Variants in R3HDM1 observed in about 807,000 individuals in gnomAD.
R3HDM1 encodes the protein R3H domain-containing protein 1.
A neutral mutation model predicts 141.1 loss-of-function variants in R3HDM1; 46 were observed. That is an observed-to-expected ratio of 0.33 (90% confidence interval 0.26 to 0.42). The LOEUF (loss-of-function observed/expected upper bound fraction) is 0.42. Among genes scored for constraint, R3HDM1 ranks in the 10% least tolerant of loss-of-function variants. The pLI is 1.00. For synonymous variants in R3HDM1, 435 were observed against 472.9 expected, an observed-to-expected ratio of 0.92 and a Z score of 1.04; for missense variants, 1,184 against 1,368.3, an observed-to-expected ratio of 0.87 and a Z score of 2.12.
At chr2:135,561,838 G>GA (rs201135807) in intron 1 of R3HDM1, among the ~76,000 whole-genome samples, 1,563 of 152,162 alleles carry the variant, frequency 0.01, 23 homozygotes, top group African/African-American at 0.036. Context: ...CCAGTTCTGA[G>GA]AAAAAAACTG....
intron 1 of R3HDM1, among the ~76,000 whole-genome samples, chr2:135,533,667 C>G (rs1176818519): frequency 6.6e-6 from 1 of 152,190 alleles, no homozygotes; most frequent in Non-Finnish European, 1.5e-5. Flanking sequence ...CACCTGAGGT[C>G]GGGAGTTGGA....
At chr2:135,544,552 T>A (rs1355624294) in intron 1 of R3HDM1, among the ~76,000 whole-genome samples, 3 of 152,210 alleles carry the variant, frequency 2.0e-5, no homozygotes, top group Admixed American at 6.5e-5. Flanking sequence ...GGTAAAAATT[T>A]CCAGAAATGG....
At chr2:135,612,723 C>G (rs2060661008) in intron 3 of R3HDM1, among the ~76,000 whole-genome samples, 1 of 152,066 alleles carries the variant, frequency 6.6e-6, no homozygotes. Context: ...AAACAAGCTG[C>G]TAAATTTTTG....
intron 17 of R3HDM1, chr2:135,651,264 C>T (rs940569196): frequency 1.0e-6 from 1 of 985,052 alleles, no homozygotes; most frequent in East Asian, 1.1e-4. Context: ...GTTAGGGATA[C>T]AAAAATGCAT....
intron 1 of R3HDM1, among the ~76,000 whole-genome samples, chr2:135,590,950 G>A (rs537813514): frequency 2.6e-5 from 4 of 152,158 alleles, no homozygotes; most frequent in African/African-American, 9.7e-5. Flanking sequence ...AGAGAGGGCT[G>A]TGATCCTTTG....
intron 21 of R3HDM1, among the ~76,000 whole-genome samples, chr2:135,704,860 T>C (rs908721158): frequency 6.6e-6 from 1 of 152,216 alleles, no homozygotes; most frequent in African/African-American, 2.4e-5. Context: ...TAATATAATT[T>C]AATGATCATA....
At chr2:135,667,580 T>C in intron 19 of R3HDM1, 1 of 901,824 alleles carries the variant, frequency 1.1e-6, no homozygotes, top group South Asian at 5.1e-5. Flanking sequence ...AGAATTTTTT[T>C]TAATTCTAAT....
Position 135,699,056 on chromosome 2 carries a change from GAT to G in R3HDM1, c.2460-10375_2460-10374del, listed in dbSNP as rs1491128414. ...ATAGATAGATAGATAAGATAGATAA[GAT>G]AGATTGATTAGATAGATTAGATAGA... is the stretch of plus-strand genomic sequence containing the variant. On this transcript the variant is annotated intron_variant, in intron 21 of 26. Transcript: ENST00000683871. Among the ~76,000 whole-genome samples, 4 of 130,226 alleles carry G rather than the reference GAT, an allele frequency of 3.1e-5. 1 individual carries two copies. Among genetic ancestry groups the G allele is most frequent in the African/African-American group, 1.2e-4 (4 of 33,942 alleles). 85.4% of individuals were successfully genotyped at this position (130,226 alleles called of 152,430 possible).
At chr2:135,632,917 T>C (rs1264207003) in intron 9 of R3HDM1, among the ~76,000 whole-genome samples, 61 of 152,216 alleles carry the variant, frequency 4.0e-4, no homozygotes, top group Non-Finnish European at 2.9e-5. Flanking sequence ...ATGGTTATAT[T>C]TAATTCATCT....
chr2:135,613,271 T>G (rs2060708909), intron 3 of R3HDM1, among the ~76,000 whole-genome samples: 1 of 152,132 alleles, frequency 6.6e-6, no homozygotes, highest in Non-Finnish European at 1.5e-5. Flanking sequence ...TGAGGTCCTG[T>G]TTTTTGGCTG....
At chr2:135,657,323 A>C (rs1370559233) in intron 18 of R3HDM1, among the ~76,000 whole-genome samples, 1 of 151,280 alleles carries the variant, frequency 6.6e-6, no homozygotes, top group Non-Finnish European at 1.5e-5. Context: ...AGGCAGGATA[A>C]TTGCTTGAAC....
chr2:135,552,987 A>G (rs547739032), intron 1 of R3HDM1, among the ~76,000 whole-genome samples: 1 of 151,844 alleles, frequency 6.6e-6, no homozygotes, highest in East Asian at 1.9e-4. Flanking sequence ...CAAGCGATCC[A>G]CCTACCTCAG....
At chr2:135,646,824 C>CA (rs1252134526) in intron 16 of R3HDM1, among the ~76,000 whole-genome samples, 1 of 135,370 alleles carries the variant, frequency 7.4e-6, no homozygotes, top group Non-Finnish European at 1.5e-5. Context: ...GCCTGGGTAA[C>CA]AGAGTGAGAC....
At chr2:135,579,708 C>A (rs983334646) in intron 1 of R3HDM1, among the ~76,000 whole-genome samples, 1 of 151,980 alleles carries the variant, frequency 6.6e-6, no homozygotes, top group Non-Finnish European at 1.5e-5. Context: ...GGCACAATTT[C>A]ACTTCCGCGG....
chr2:135,531,511 G>A lies in R3HDM1; in HGVS notation c.-372G>A. The A allele has an allele frequency of 1.0e-6, 1 of 985,918 alleles. No individual in the cohort carries two copies. Among genetic ancestry groups the A allele is most frequent in the Non-Finnish European group, 1.2e-6 (1 of 829,996 alleles). 61.1% of individuals were successfully genotyped at this position (985,918 alleles called of 1,614,324 possible). A position where few individuals can be genotyped will look rare whatever the true frequency, so the allele number is the denominator to read the frequency against. ...TCTGCCAGCCGCGGCTGCCGCTGGAGCCGGTGTCCGGGCTGGTGATGGGGT... is the reference window on the plus strand; with the variant it reads ...TCTGCCAGCCGCGGCTGCCGCTGGAACCGGTGTCCGGGCTGGTGATGGGGT... On this transcript the variant is annotated 5_prime_UTR_variant, in exon 1 of 27. Transcript: ENST00000683871.
chr2:135,568,690 T>C (rs1445491210), intron 1 of R3HDM1: 1 of 152,202 alleles, frequency 6.6e-6, no homozygotes, highest in African/African-American at 2.4e-5. Flanking sequence ...GAGTTAGTAT[T>C]CATACAAGTT....
intron 17 of R3HDM1, chr2:135,650,608 C>T (rs1172989577): frequency 1.0e-6 from 1 of 978,788 alleles, no homozygotes; most frequent in Non-Finnish European, 1.2e-6. Flanking sequence ...AATATTTGAT[C>T]ATATAACATT....
chr2:135,624,812 TG>T (rs1268558169), intron 7 of R3HDM1, among the ~76,000 whole-genome samples: 2 of 152,094 alleles, frequency 1.3e-5, no homozygotes, highest in Admixed American at 1.3e-4. Context: ...TAGAAAAGAA[TG>T]GAGAGGAAAA....
intron 23 of R3HDM1, among the ~76,000 whole-genome samples, chr2:135,710,434 A>C (rs1012360988): frequency 6.6e-6 from 1 of 152,206 alleles, no homozygotes; most frequent in Non-Finnish European, 1.5e-5. Context: ...CCTGACCAAC[A>C]TGGTGAAATC....
Sources: allele counts gnomAD v4.1 joint callset (sites outside exome capture counted in the v4.1 genomes callset), GRCh38; gene constraint gnomAD v4.1.1; transcripts MANE v1.5; gene names NCBI Gene and HGNC (gene_info 2026-07-23, HGNC 2026-07-21).